Variants in PELI2 observed in about 807,000 individuals in gnomAD.
PELI2 encodes the protein E3 ubiquitin-protein ligase pellino homolog 2.
PELI2 carries 23 observed loss-of-function variants against 42.3 expected under a neutral mutation model. That is an observed-to-expected ratio of 0.54 (90% confidence interval 0.39 to 0.77). The LOEUF is 0.77. PELI2 is among the 30% of genes least tolerant of loss of function. The pLI, the probability that PELI2 is intolerant of heterozygous loss-of-function variation, is 0.00. For missense variants in PELI2, 463 were observed against 553.2 expected, an observed-to-expected ratio of 0.84 and a Z score of 1.64; for synonymous variants, 245 against 212.2, an observed-to-expected ratio of 1.15 and a Z score of -1.34.
chr14:56,250,020 C>A (rs1016014536), intron 2 of PELI2, among the ~76,000 whole-genome samples: 4 of 152,094 alleles, frequency 2.6e-5, no homozygotes, highest in African/African-American at 9.7e-5. Flanking sequence ...GGCAGAAGTC[C>A]CCTTTGCCTG....
intron 1 of PELI2, among the ~76,000 whole-genome samples, chr14:56,137,891 A>AT (rs994996783): frequency 3.3e-5 from 5 of 152,200 alleles, no homozygotes; most frequent in African/African-American, 1.2e-4. Flanking sequence ...TGAGGTTGGG[A>AT]TGAGCTTGCT....
intron 2 of PELI2, among the ~76,000 whole-genome samples, chr14:56,265,645 T>C (rs1485720234): frequency 2.0e-5 from 3 of 152,074 alleles, no homozygotes; most frequent in African/African-American, 4.8e-5. Flanking sequence ...GAATAAACTG[T>C]TCAGAGAATG....
intron 2 of PELI2, among the ~76,000 whole-genome samples, chr14:56,245,502 C>A (rs920686817): frequency 6.6e-6 from 1 of 152,002 alleles, no homozygotes. Flanking sequence ...CTACAATATG[C>A]CCATTAAGTG....
chr14:56,128,361 T>C (rs1316424757), intron 1 of PELI2, among the ~76,000 whole-genome samples: 1 of 152,084 alleles, frequency 6.6e-6, no homozygotes, highest in Admixed American at 6.5e-5. Context: ...CGTTAGGTGG[T>C]TTACATTATC....
At chr14:56,176,273 C>G (rs1885379554) in intron 1 of PELI2, among the ~76,000 whole-genome samples, 1 of 152,154 alleles carries the variant, frequency 6.6e-6, no homozygotes, top group Non-Finnish European at 1.5e-5. Flanking sequence ...GACCTGGAGT[C>G]TATAGTTGAG....
chr14:56,250,117 CCAAACTTTGGCTTCA>C (rs1360808796), intron 2 of PELI2, among the ~76,000 whole-genome samples: 1 of 152,094 alleles, frequency 6.6e-6, no homozygotes, highest in African/African-American at 2.4e-5. Context: ...TGTTTTCTGC[CCAAACTTTGGCTTCA>C]AGCTTATTTC....
Position 56,300,219 on chromosome 14 carries a change from T to C in PELI2, c.*3053T>C, listed in dbSNP as rs1050753028. 1 of 152,638 alleles carries C rather than the reference T, an allele frequency of 6.6e-6. No individual in the cohort carries two copies. The highest frequency in any genetic ancestry group is 1.5e-5 in the Non-Finnish European group (1 of 68,046). 9.5% of individuals were successfully genotyped at this position (152,638 alleles called of 1,614,324 possible). On this transcript the variant is annotated 3_prime_UTR_variant, in exon 6 of 6. Coordinates refer to ENST00000267460, the MANE Select transcript of PELI2 (RefSeq NM_021255.3). ...GGAAGCCACGTGATATAACTGGTTA[T>C]AGAATTTCAGGGTTAGGGTTTAAAG... is the stretch of plus-strand genomic sequence containing the variant.
At chr14:56,202,065 G>A (rs1886350108) in intron 2 of PELI2, among the ~76,000 whole-genome samples, 1 of 152,188 alleles carries the variant, frequency 6.6e-6, no homozygotes, top group African/African-American at 2.4e-5. Flanking sequence ...CAACCTGCCA[G>A]TGTCACACAA....
intron 3 of PELI2, among the ~76,000 whole-genome samples, chr14:56,285,642 G>C (rs1889620350): frequency 6.6e-6 from 1 of 152,136 alleles, no homozygotes; most frequent in South Asian, 2.1e-4. Flanking sequence ...ATAAGCCCTG[G>C]ATTTAGCAAT....
In PELI2 at chr14:56,220,757, A is replaced by G. The variant is rs148702656; in HGVS notation, c.207+42293A>G. Among the ~76,000 whole-genome samples, 1,201 of 152,290 alleles carry G rather than the reference A, an allele frequency of 7.9e-3. 16 individuals are homozygous for G. The highest frequency in any genetic ancestry group is 0.01 in the Non-Finnish European group (693 of 68,020). On this transcript the variant is annotated intron_variant, in intron 2 of 5. Coordinates refer to ENST00000267460, the MANE Select transcript of PELI2 (RefSeq NM_021255.3). ...CAATGGTTAGAGAACCACCACCAAG[A>G]TGAGGAGGTGAAGGAGATTAGCATG...
rs563191177 is a variant in PELI2, at chr14:56,138,738, A to T, written c.77+20001A>T. On this transcript the variant is annotated intron_variant, in intron 1 of 5. Coordinates refer to ENST00000267460, the MANE Select transcript of PELI2 (RefSeq NM_021255.3). Reference sequence around the variant, plus strand: ...ACTATAACTGACTTATGGCATAACTAAAATATATAGTAAGCACATTGTTTT... The same window carrying T: ...ACTATAACTGACTTATGGCATAACTTAAATATATAGTAAGCACATTGTTTT... Among the ~76,000 whole-genome samples, 698 of 152,324 alleles carry T rather than the reference A, an allele frequency of 4.6e-3. 1 individual carries two copies. Among genetic ancestry groups the T allele is most frequent in the African/African-American group, 0.016 (649 of 41,554 alleles).
rs147195824 is a variant in PELI2, at chr14:56,245,810, G to T, written c.208-33866G>T. Among the ~76,000 whole-genome samples the T allele has an allele frequency of 2.8e-4, 43 of 152,224 alleles. No individual in the cohort carries two copies. The East Asian group carries it at 7.9e-3, about 28-fold the overall frequency. On this transcript the variant is annotated intron_variant, in intron 2 of 5. Transcript: ENST00000267460. ...GTATTGTATATCAATAAGCATAATA[G>T]CTATTAACATAGCATTGGCATTGTT...
intron 2 of PELI2, among the ~76,000 whole-genome samples, chr14:56,259,052 T>C (rs1232580591): frequency 4.6e-5 from 7 of 151,968 alleles, no homozygotes; most frequent in Non-Finnish European, 7.4e-5. Context: ...GACCAACATC[T>C]TTAAAGTACT....
rs1285361291 is a variant in PELI2, at chr14:56,298,853, G to A, written c.*1687G>A. Reference sequence around the variant, plus strand: ...ACATTTTTGGTTTTGGTTTTGTTTGGGTAAATTTTAAATGGTGTGAAAATC... The same window carrying A: ...ACATTTTTGGTTTTGGTTTTGTTTGAGTAAATTTTAAATGGTGTGAAAATC... On this transcript the variant is annotated 3_prime_UTR_variant, in exon 6 of 6. Coordinates refer to ENST00000267460, the MANE Select transcript of PELI2 (RefSeq NM_021255.3). 1.3e-5 allele frequency: 2 copies of A among 152,132 alleles called. No homozygotes were observed. Among genetic ancestry groups the A allele is most frequent in the African/African-American group, 4.8e-5 (2 of 41,398 alleles). 9.4% of individuals were successfully genotyped at this position (152,132 alleles called of 1,614,324 possible). A position where few individuals can be genotyped will look rare whatever the true frequency, so the allele number is the denominator to read the frequency against.
intron 1 of PELI2, among the ~76,000 whole-genome samples, chr14:56,129,785 G>A (rs1883412463): frequency 6.6e-6 from 1 of 152,206 alleles, no homozygotes; most frequent in Non-Finnish European, 1.5e-5. Context: ...ATAGTGTGGA[G>A]CAGGTGAGGA....
chr14:56,125,081 C>T (rs1373122937), intron 1 of PELI2, among the ~76,000 whole-genome samples: 3 of 152,146 alleles, frequency 2.0e-5, no homozygotes, highest in Non-Finnish European at 4.4e-5. Flanking sequence ...GAAGGAGAAA[C>T]TGAGGCTGCA....
intron 2 of PELI2, among the ~76,000 whole-genome samples, chr14:56,225,637 C>T (rs1209006203): frequency 6.6e-6 from 1 of 152,196 alleles, no homozygotes; most frequent in Non-Finnish European, 1.5e-5. Flanking sequence ...GGGCAGCGGT[C>T]ACAACGCCCA....
chr14:56,150,696 A>G (rs936519539), intron 1 of PELI2, among the ~76,000 whole-genome samples: 5 of 152,218 alleles, frequency 3.3e-5, no homozygotes, highest in African/African-American at 1.2e-4. Context: ...ATTTATTTGC[A>G]TTGGTTGAGA....
At chr14:56,233,516 G>A (rs140549201) in intron 2 of PELI2, among the ~76,000 whole-genome samples, 61,292 of 151,942 alleles carry the variant, frequency 0.4, 13,078 homozygotes, top group South Asian at 0.53. Context: ...GGAATTCCCT[G>A]TTTAATAAAT....
Sources: allele counts gnomAD v4.1 joint callset (sites outside exome capture counted in the v4.1 genomes callset), GRCh38; gene constraint gnomAD v4.1.1; transcripts MANE v1.5; gene names NCBI Gene and HGNC (gene_info 2026-07-23, HGNC 2026-07-21).